Variants in NDUFA5 observed in about 807,000 individuals in gnomAD.
NDUFA5 encodes NADH:ubiquinone oxidoreductase subunit A5.
A neutral mutation model predicts 19.8 loss-of-function variants in NDUFA5; 11 were observed. The observed-to-expected ratio is 0.56, with a 90% CI of 0.35 to 0.92. The LOEUF is 0.92. Ranked by LOEUF, NDUFA5 falls within the 40% of genes least tolerant of loss-of-function variation. The pLI is 0.01. For missense variants in NDUFA5, 109 were observed against 134.2 expected, an observed-to-expected ratio of 0.81 and a Z score of 0.93; for synonymous variants, 47 against 46.8, an observed-to-expected ratio of 1.00 and a Z score of -0.01.
At chr7:123,557,858 G>GACC, upstream of NDUFA5, 1 of 1,613,340 alleles carries the variant, frequency 6.2e-7, no homozygotes, top group Admixed American at 1.7e-5. Context: ...CTGCTCAATC[G>GACC]ACCACCGAGG....
At chr7:123,572,359 T>C in the NDUFA5 span, among the ~76,000 whole-genome samples, 3 of 151,750 alleles carry the variant, frequency 2.0e-5, no homozygotes, top group Non-Finnish European at 2.9e-5. Context: ...CAGGACGGTC[T>C]CGATCTCTTG....
chr7:123,559,857 CAAAA>C (rs201033454), upstream of NDUFA5, among the ~76,000 whole-genome samples: 8 of 46,510 alleles, frequency 1.7e-4, no homozygotes, highest in African/African-American at 4.0e-4. Flanking sequence ...TTCCGTCTCA[CAAAA>C]AAAAAAAAAA....
At chr7:123,562,785 TC>T (rs1170096042), upstream of NDUFA5, among the ~76,000 whole-genome samples, 2 of 137,888 alleles carry the variant, frequency 1.5e-5, no homozygotes, top group Non-Finnish European at 3.1e-5. Context: ...CTTTTTCTTT[TC>T]TTTCTTTCTT....
At chr7:123,599,430 G>A in the NDUFA5 span, among the ~76,000 whole-genome samples, 5 of 152,184 alleles carry the variant, frequency 3.3e-5, no homozygotes, top group African/African-American at 7.2e-5. Context: ...GCATTGTAGA[G>A]GGTAGATGGG....
At chr7:123,560,319 A>C (rs1798672773), upstream of NDUFA5, among the ~76,000 whole-genome samples, 1 of 152,256 alleles carries the variant, frequency 6.6e-6, no homozygotes, top group Admixed American at 6.5e-5. Flanking sequence ...TATATTGGAA[A>C]TATTAGCTAA....
the NDUFA5 span, among the ~76,000 whole-genome samples, chr7:123,569,478 T>G: frequency 5.5e-4 from 84 of 152,318 alleles, 1 homozygote; most frequent in African/African-American, 2.0e-3. Context: ...CTATGTGGCC[T>G]TAAAATGCTA....
the NDUFA5 span, among the ~76,000 whole-genome samples, chr7:123,571,096 A>G: frequency 1.3e-5 from 2 of 152,196 alleles, no homozygotes; most frequent in African/African-American, 4.8e-5. Context: ...ATTTGTTTCC[A>G]CTTGTTTTTA....
the NDUFA5 span, among the ~76,000 whole-genome samples, chr7:123,600,418 G>C: frequency 2.6e-5 from 4 of 152,160 alleles, no homozygotes; most frequent in African/African-American, 9.7e-5. Flanking sequence ...AATGTGTCAA[G>C]CCACACTTTA....
chr7:123,589,609 T>C, the NDUFA5 span, among the ~76,000 whole-genome samples: 12 of 152,110 alleles, frequency 7.9e-5, no homozygotes, highest in African/African-American at 2.4e-4. Context: ...CTGAGAATGG[T>C]GGTTTCCAGC....
the NDUFA5 span, among the ~76,000 whole-genome samples, chr7:123,578,532 C>T: frequency 1.3e-5 from 2 of 151,996 alleles, no homozygotes; most frequent in Admixed American, 1.3e-4. Context: ...TCTGTGCAAG[C>T]TCAGTTAATT....
chr7:123,580,358 C>T, the NDUFA5 span, among the ~76,000 whole-genome samples: 4 of 151,982 alleles, frequency 2.6e-5, no homozygotes, highest in Non-Finnish European at 5.9e-5. Flanking sequence ...TTGCTTGAGT[C>T]AGTGAGTGAA....
chr7:123,561,705 C>A (rs1385330522), upstream of NDUFA5, among the ~76,000 whole-genome samples: 1 of 152,134 alleles, frequency 6.6e-6, no homozygotes, highest in African/African-American at 2.4e-5. Context: ...TCAAGCAATT[C>A]TCCTGCCTCA....
At chr7:123,546,501 C>A (rs1487958121) in intron 3 of NDUFA5, among the ~76,000 whole-genome samples, 1 of 151,906 alleles carries the variant, frequency 6.6e-6, no homozygotes, top group Non-Finnish European at 1.5e-5. Flanking sequence ...AATATAGTAC[C>A]TAGAACATTC....
At chr7:123,576,003 AT>A in the NDUFA5 span, among the ~76,000 whole-genome samples, 1 of 151,214 alleles carries the variant, frequency 6.6e-6, no homozygotes, top group Non-Finnish European at 1.5e-5. Context: ...CTTCAGCTTC[AT>A]TCCTTAGGGT....
the NDUFA5 span, among the ~76,000 whole-genome samples, chr7:123,575,846 C>A: frequency 6.8e-6 from 1 of 146,308 alleles, no homozygotes; most frequent in African/African-American, 2.5e-5. Context: ...TCCACTGACA[C>A]TCCTAGACTA....
the NDUFA5 span, among the ~76,000 whole-genome samples, chr7:123,592,764 G>A: frequency 6.6e-6 from 1 of 152,190 alleles, no homozygotes; most frequent in Admixed American, 6.5e-5. Flanking sequence ...ATATTCTGTT[G>A]ATTTGGGGTG....
chr7:123,575,816 C>CTTT, the NDUFA5 span, among the ~76,000 whole-genome samples: 82 of 136,814 alleles, frequency 6.0e-4, no homozygotes, highest in East Asian at 1.9e-3. Flanking sequence ...ATGAAGTTTT[C>CTTT]TTTTTTTTTT....
the NDUFA5 span, among the ~76,000 whole-genome samples, chr7:123,564,292 T>C: frequency 6.6e-6 from 1 of 152,214 alleles, no homozygotes; most frequent in African/African-American, 2.4e-5. Context: ...TATTAATTTA[T>C]TAGTTTACTT....
the NDUFA5 span, among the ~76,000 whole-genome samples, chr7:123,572,375 A>G: frequency 2.5e-3 from 371 of 151,424 alleles, 2 homozygotes; most frequent in African/African-American, 8.7e-3. Flanking sequence ...TCTTGACCTC[A>G]TGATCCGCCC....
Sources: gnomAD v4.1 joint callset for allele counts (sites outside exome capture counted in the v4.1 genomes callset) on GRCh38, gnomAD v4.1.1 for gene constraint, MANE v1.5 for transcripts, NCBI Gene and HGNC (gene_info 2026-07-23, HGNC 2026-07-21) for gene names.